The following PPP1R13L variants were observed in gnomAD, a reference collection of about 807,000 sequenced individuals.
PPP1R13L encodes the protein relA-associated inhibitor.
A neutral mutation model predicts 80.9 loss-of-function variants in PPP1R13L; 50 were observed. The observed-to-expected ratio is 0.62, with a 90% CI of 0.49 to 0.78. The LOEUF is 0.78. Among genes scored for constraint, PPP1R13L ranks in the 30% least tolerant of loss-of-function variants. The pLI is 0.00. For synonymous variants in PPP1R13L, 602 were observed against 534.3 expected (o/e 1.13, Z -1.75); for missense variants, 1,200 against 1,205.9 (o/e 1.00, Z 0.07).
At chr19:45,385,221 G>C (rs982241725) in intron 11 of PPP1R13L, among the ~76,000 whole-genome samples, 21 of 152,200 alleles carry the variant, frequency 1.4e-4, no homozygotes, top group African/African-American at 4.8e-4. Flanking sequence ...AAGTGGCAGA[G>C]CCCACCTGCC....
intron 1 of PPP1R13L, among the ~76,000 whole-genome samples, chr19:45,399,560 C>G (rs11673653): frequency 6.6e-6 from 1 of 150,606 alleles, no homozygotes; most frequent in Non-Finnish European, 1.5e-5. Context: ...GGAGGTGGAG[C>G]TTGAACTGAG....
Position 45,398,016 on chromosome 19 carries a change from G to T in PPP1R13L, c.187C>A (p.Pro63Thr), listed in dbSNP as rs1033365514. 4 of 1,612,036 alleles carry T rather than the reference G, an allele frequency of 2.5e-6. No homozygotes were observed. In the South Asian group the frequency reaches 4.4e-5, roughly 18 times the overall value. Residue 63 changes from proline (P) to threonine (T), a missense_variant, in exon 3 of 13, where the codon CCC becomes ACC. Physicochemically the swap from Pro to Thr is conservative, Grantham distance 38 (BLOSUM62 -1). This residue lies in a region of PPP1R13L where 764 missense variants were observed against 714.5 expected (regional missense o/e 1.07). Transcript: ENST00000360957. ...SPAPPGPQAG[P>T]PSRPPRYSSS... ...GGAACCAGGCTTACCCTAGAAGGGG[G>T]TCCGGCCTGCGGGCCAGGAGGCGCG...
At position 45,382,662 on chromosome 19, in the gene PPP1R13L, G is replaced by A. The variant is rs1466057308; in HGVS notation, c.2313C>T (p.Ala771=). 4 of 1,613,876 alleles carry A rather than the reference G, an allele frequency of 2.5e-6. No homozygotes were observed. The African/African-American group carries it at 4.0e-5, about 16-fold the overall frequency. ...GAVYALWDYS[A]EFGDELSFRE... ...GGAAGGACAGCTCGTCCCCGAACTC[G>A]GCGCTGTAGTCCCAGAGAGCGTACA... Residue 771 remains alanine (A), a synonymous_variant, in exon 12 of 13, where the codon GCC becomes GCT. Transcript: ENST00000360957.
In PPP1R13L at chr19:45,396,551, C is replaced by A. The variant is rs1005945531; in HGVS notation, c.706G>T (p.Ala236Ser). ...GAGGGGCCCCTGGGTTCACCTTGCG[C>A]GCGCAGAGGCGGGGCGAATGCGCTG... ...GGSAFAPPLR[A>S]QDDLTLRRRP... is the part of the protein sequence containing the mutation. Residue 236 changes from alanine (A) to serine (S), a missense_variant, in exon 4 of 13, where the codon GCG becomes TCG. Ala to Ser is a moderately conservative substitution (Grantham distance 99). This residue lies in a region of PPP1R13L where 764 missense variants were observed against 714.5 expected (regional missense o/e 1.07). Coordinates refer to ENST00000360957, the MANE Select transcript of PPP1R13L (RefSeq NM_006663.4). The surrounding 1 kb of genome is among the most constrained non-coding windows in gnomAD (Gnocchi z 5.3). 5.2e-6 allele frequency: 8 copies of A among 1,543,494 alleles called. No individual in the cohort carries two copies. In the African/African-American group the frequency reaches 9.6e-5, roughly 19 times the overall value.
intron 7 of PPP1R13L, 55 bp from the exon 8 acceptor site, chr19:45,392,395 C>G: frequency 1.3e-6 from 2 of 1,543,930 alleles, no homozygotes; most frequent in Non-Finnish European, 1.8e-6. Context: ...ACCCAACACT[C>G]CCTCTCCACA....
Position 45,396,912 on chromosome 19 carries a change from C to A in PPP1R13L, c.345G>T (p.Lys115Asn). Reference protein sequence around the residue: ...TLHPYSPLSPKGRPSSPRTPL... With the variant: ...TLHPYSPLSPNGRPSSPRTPL... ...GGGTGCGCGGCGACGACGGCCGTCC[C>A]TTGGGGGACAGCGGGCTGTAGGGGT... Residue 115 changes from lysine to asparagine, a missense_variant, in exon 4 of 13, where the codon AAG (lysine) becomes AAT (asparagine). Transcript: ENST00000360957. The surrounding 1 kb of genome is among the most constrained non-coding windows in gnomAD (Gnocchi z 5.3). The A allele has an allele frequency of 6.7e-7, 1 of 1,502,454 alleles. No individual in the cohort carries two copies. Among genetic ancestry groups the A allele is most frequent in the Non-Finnish European group, 8.8e-7 (1 of 1,133,798 alleles). The allele number at this position is 1,502,454 out of a possible 1,614,324, so 93.1% of individuals were successfully genotyped here.
At chr19:45,385,536 C>G (rs1568554183) in intron 11 of PPP1R13L, 26 bp downstream of exon 11, 1 of 1,592,566 alleles carries the variant, frequency 6.3e-7, no homozygotes, top group Non-Finnish European at 8.6e-7. Context: ...GCCAGGTACC[C>G]AGGCGCCAGC....
At chr19:45,395,984 C>T in intron 6 of PPP1R13L, 98 bp from the exon 7 acceptor site, 2 of 1,298,692 alleles carry the variant, frequency 1.5e-6, no homozygotes, top group Non-Finnish European at 2.1e-6. Context: ...TGAGGGAAGC[C>T]CTGGGAGTGA....
Position 45,379,860 on chromosome 19 carries a change from G to T in PPP1R13L, c.*330C>A, listed in dbSNP as rs780506511. 2.7e-4 allele frequency: 66 copies of T among 247,726 alleles called. No individual in the cohort carries two copies. The highest frequency in any genetic ancestry group is 2.4e-4 in the Non-Finnish European group (30 of 126,602). 15.3% of individuals were successfully genotyped at this position (247,726 alleles called of 1,614,324 possible). On this transcript the variant is annotated 3_prime_UTR_variant, in exon 13 of 13. Coordinates refer to ENST00000360957, the MANE Select transcript of PPP1R13L (RefSeq NM_006663.4). ...TGGTGGCCCATCCCAGGCCCGGCTGGGCAGGTGGCTGGCTTGCTGGGGGAT... is the reference window on the plus strand; with the variant it reads ...TGGTGGCCCATCCCAGGCCCGGCTGTGCAGGTGGCTGGCTTGCTGGGGGAT...
chr19:45,390,974 G>A (rs1229517069), intron 8 of PPP1R13L, among the ~76,000 whole-genome samples: 1 of 151,942 alleles, frequency 6.6e-6, no homozygotes, highest in African/African-American at 2.4e-5. Flanking sequence ...GAGGCAGGTG[G>A]ATCATTTGAA....
rs1203769139 is a variant in PPP1R13L at position 45,396,123 on chromosome 19, C to G, written c.903+45G>C. ...CTTGACCCCGCTCCCCCACCCCACTCCTCGACCTTCCCCAGCCTCTCCTCC... is the reference window on the plus strand; with the variant it reads ...CTTGACCCCGCTCCCCCACCCCACTGCTCGACCTTCCCCAGCCTCTCCTCC... On this transcript the variant is annotated intron_variant, in intron 6 of 12. Coordinates refer to ENST00000360957, the MANE Select transcript of PPP1R13L (RefSeq NM_006663.4). The surrounding 1 kb of genome is among the most constrained non-coding windows in gnomAD (Gnocchi z 5.3). The G allele has an allele frequency of 6.5e-7, 1 of 1,549,826 alleles. No homozygotes were observed. Among genetic ancestry groups the G allele is most frequent in the Non-Finnish European group, 8.7e-7 (1 of 1,148,332 alleles).
chr19:45,399,779 C>G (rs890481236), intron 1 of PPP1R13L, among the ~76,000 whole-genome samples: 5 of 151,736 alleles, frequency 3.3e-5, no homozygotes, highest in Admixed American at 2.0e-4. Context: ...GAAACCCCGT[C>G]TCTACAAAAA....
intron 7 of PPP1R13L, among the ~76,000 whole-genome samples, chr19:45,394,343 A>G (rs1340734296): frequency 6.6e-6 from 1 of 152,056 alleles, no homozygotes; most frequent in African/African-American, 2.4e-5. Flanking sequence ...TAGTTTCACT[A>G]TGTTGCCCAG....
intron 11 of PPP1R13L, 22 bp downstream of exon 11, chr19:45,385,540 C>A (rs756293826): frequency 1.9e-6 from 3 of 1,594,508 alleles, no homozygotes; most frequent in Admixed American, 3.4e-5. Flanking sequence ...GGTACCCAGG[C>A]GCCAGCAGCC....
intron 1 of PPP1R13L, 21 bp from the exon 2 acceptor site, chr19:45,398,360 G>T (rs754717942): frequency 6.2e-7 from 1 of 1,609,592 alleles, no homozygotes; most frequent in South Asian, 1.1e-5. Flanking sequence ...GGGAGGGAGG[G>T]AGCTGGCTAA....
intron 1 of PPP1R13L, chr19:45,402,081 G>A (rs1973243847): frequency 6.6e-6 from 1 of 152,194 alleles, no homozygotes; most frequent in Admixed American, 6.5e-5. Context: ...GAAGGTGCAG[G>A]AAGAATTCAG....
chr19:45,389,300 G>T (rs915601302), intron 8 of PPP1R13L, among the ~76,000 whole-genome samples: 1 of 152,020 alleles, frequency 6.6e-6, no homozygotes, highest in Non-Finnish European at 1.5e-5. Context: ...AGGCATTTTG[G>T]GGGGGTCCAC....
intron 7 of PPP1R13L, 75 bp from the exon 8 acceptor site, chr19:45,392,415 G>A: frequency 7.0e-7 from 1 of 1,430,010 alleles, no homozygotes; most frequent in Non-Finnish European, 9.8e-7. Context: ...AACTTCCAGG[G>A]CATACAACCA....
chr19:45,385,412 G>C (rs150867701), intron 11 of PPP1R13L, 150 bp downstream of exon 11: 287 of 944,166 alleles, frequency 3.0e-4, no homozygotes, highest in Non-Finnish European at 4.0e-4. Context: ...ACCCCCGCAA[G>C]CGGTCCATCC....
Sources: allele counts gnomAD v4.1 joint callset (sites outside exome capture counted in the v4.1 genomes callset), GRCh38; gene constraint gnomAD v4.1.1; regional missense constraint gnomAD v4.1.1; non-coding constraint Gnocchi (gnomAD v3.1); transcripts MANE v1.5; gene names NCBI Gene and HGNC (gene_info 2026-07-23, HGNC 2026-07-21).